PTPRK: variants seen among roughly 807,000 people sequenced by gnomAD.
PTPRK encodes protein tyrosine phosphatase receptor type K, also known as receptor-type tyrosine-protein phosphatase kappa.
PTPRK carries 75 observed loss-of-function variants against 178.0 expected under a neutral mutation model. That is an observed-to-expected ratio of 0.42 (90% confidence interval 0.35 to 0.51). The LOEUF is 0.51. PTPRK is among the 20% of genes least tolerant of loss of function. The pLI is 0.02. For missense variants in PTPRK, 1,441 were observed against 1,797.8 expected, an observed-to-expected ratio of 0.80 and a Z score of 3.59; for synonymous variants, 637 against 620.6, an observed-to-expected ratio of 1.03 and a Z score of -0.39.
chr6:128,432,014 A>G (rs568682305), intron 1 of PTPRK, among the ~76,000 whole-genome samples: 1 of 152,308 alleles, frequency 6.6e-6, no homozygotes, highest in East Asian at 1.9e-4. Context: ...AAGTGAGGGA[A>G]GAGAAAGGAA....
rs189186860 is a variant in PTPRK at position 128,402,840 on chromosome 6, C to G, written c.101-5152G>C. Among the ~76,000 whole-genome samples the G allele has an allele frequency of 1.5e-3, 225 of 152,268 alleles. 3 individuals carry two copies. Among genetic ancestry groups the G allele is most frequent in the African/African-American group, 5.1e-3 (210 of 41,546 alleles). ...GAGTCACTGGTCATAATATATTGCT[C>G]TGGTTCATTACCAAAGAGGATCTAC... On this transcript the variant is annotated intron_variant, in intron 1 of 29. Transcript: ENST00000368226.
At chr6:127,996,841 A>G in intron 17 of PTPRK, 60 bp downstream of exon 17, 1 of 1,537,402 alleles carries the variant, frequency 6.5e-7, no homozygotes. Context: ...TTTTTCTTAA[A>G]GTTTAAAACC....
At chr6:128,474,564 A>C (rs1296169658) in intron 1 of PTPRK, among the ~76,000 whole-genome samples, 1 of 152,078 alleles carries the variant, frequency 6.6e-6, no homozygotes. Context: ...ACTTAACTTC[A>C]AGAAACAAGG....
At chr6:128,520,107 C>G (rs558138176) in intron 1 of PTPRK, 152 bp downstream of exon 1, 2 of 626,310 alleles carry the variant, frequency 3.2e-6, no homozygotes, top group Non-Finnish European at 5.3e-6. Context: ...GGCACGAACT[C>G]TGGGGACAGC....
chr6:128,445,146 G>A (rs1227009744), intron 1 of PTPRK, among the ~76,000 whole-genome samples: 3 of 138,862 alleles, frequency 2.2e-5, no homozygotes, highest in Non-Finnish European at 4.7e-5. Context: ...CTTGAGCCCA[G>A]GAGTTGGAGA....
At chr6:128,250,605 C>A (rs577211570) in intron 3 of PTPRK, among the ~76,000 whole-genome samples, 5 of 152,140 alleles carry the variant, frequency 3.3e-5, no homozygotes, top group Non-Finnish European at 5.9e-5. Flanking sequence ...TACAATGACA[C>A]TTGTTTGAGA....
At chr6:128,033,732 C>G (rs1239985336) in intron 13 of PTPRK, among the ~76,000 whole-genome samples, 1 of 151,976 alleles carries the variant, frequency 6.6e-6, no homozygotes. Flanking sequence ...GTTTAATTAG[C>G]TGAGTGTGAT....
At chr6:128,375,247 T>C (rs1385647928) in intron 2 of PTPRK, among the ~76,000 whole-genome samples, 1 of 151,850 alleles carries the variant, frequency 6.6e-6, no homozygotes, top group Non-Finnish European at 1.5e-5. Flanking sequence ...AAGACATACC[T>C]GAGGCTGGGT....
At chr6:128,341,265 G>A (rs1291045515) in intron 2 of PTPRK, among the ~76,000 whole-genome samples, 1 of 151,924 alleles carries the variant, frequency 6.6e-6, no homozygotes, top group Admixed American at 6.6e-5. Context: ...ATTATCTTAA[G>A]TATATGTATA....
chr6:128,095,466 T>A (rs1156268559), intron 7 of PTPRK, among the ~76,000 whole-genome samples: 2 of 152,124 alleles, frequency 1.3e-5, no homozygotes, highest in Non-Finnish European at 2.9e-5. Context: ...GAAGCCATGG[T>A]TTTTAGTTTC....
intron 1 of PTPRK, among the ~76,000 whole-genome samples, chr6:128,403,352 G>A (rs1230309584): frequency 6.6e-6 from 1 of 152,140 alleles, no homozygotes; most frequent in Non-Finnish European, 1.5e-5. Flanking sequence ...CTATGAATAA[G>A]GCTTAAGAAT....
intron 13 of PTPRK, among the ~76,000 whole-genome samples, chr6:128,022,505 A>G (rs73773989): frequency 0.033 from 4,951 of 152,276 alleles, 262 homozygotes; most frequent in African/African-American, 0.11. Context: ...AGTGGTTCAC[A>G]TATTCCATGA....
intron 2 of PTPRK, among the ~76,000 whole-genome samples, chr6:128,350,535 G>A (rs547716117): frequency 6.6e-6 from 1 of 152,272 alleles, no homozygotes; most frequent in Non-Finnish European, 1.5e-5. Flanking sequence ...GCTAGATCAA[G>A]GCTTCCAAAC....
At chr6:128,147,574 A>G (rs1018426293) in intron 7 of PTPRK, among the ~76,000 whole-genome samples, 9 of 152,192 alleles carry the variant, frequency 5.9e-5, no homozygotes, top group Admixed American at 2.0e-4. Flanking sequence ...AATGCATCCA[A>G]TAAGTAAATC....
At chr6:128,101,516 T>C (rs1788777258) in intron 7 of PTPRK, among the ~76,000 whole-genome samples, 1 of 152,118 alleles carries the variant, frequency 6.6e-6, no homozygotes, top group Non-Finnish European at 1.5e-5. Context: ...TTTTCTTTCA[T>C]TCAGGTCCTA....
intron 5 of PTPRK, among the ~76,000 whole-genome samples, chr6:128,222,114 A>G (rs117118784): frequency 6.6e-6 from 1 of 152,292 alleles, no homozygotes; most frequent in East Asian, 1.9e-4. Flanking sequence ...CACTGCCTGT[A>G]CTGACTTCCA....
intron 6 of PTPRK, among the ~76,000 whole-genome samples, chr6:128,194,102 A>ATTATTT (rs202171859): frequency 0.013 from 1,851 of 145,492 alleles, 60 homozygotes; most frequent in East Asian, 0.12. Context: ...TATTATTATT[A>ATTATTT]GGAAACGGAG....
intron 3 of PTPRK, among the ~76,000 whole-genome samples, chr6:128,243,275 A>G (rs1814794950): frequency 6.6e-6 from 1 of 152,070 alleles, no homozygotes; most frequent in Non-Finnish European, 1.5e-5. Context: ...TGTTAAGAAA[A>G]AAAAAGTTTC....
chr6:128,349,766 G>A (rs2128336378), intron 2 of PTPRK, among the ~76,000 whole-genome samples: 1 of 152,152 alleles, frequency 6.6e-6, no homozygotes, highest in South Asian at 2.1e-4. Flanking sequence ...GTTTTACTTG[G>A]GTAATAAGGA....
Sources: allele counts gnomAD v4.1 joint callset (sites outside exome capture counted in the v4.1 genomes callset), GRCh38; gene constraint gnomAD v4.1.1; transcripts MANE v1.5; gene names NCBI Gene and HGNC (gene_info 2026-07-23, HGNC 2026-07-21).